Variants in EPC2 observed in about 807,000 individuals in gnomAD.
EPC2 encodes the protein enhancer of polycomb homolog 2.
A neutral mutation model predicts 92.1 loss-of-function variants in EPC2; 14 were observed. The ratio of observed to expected loss-of-function variants is 0.15; its 90% confidence interval spans 0.10 to 0.24. EPC2 has a LOEUF of 0.24. EPC2 is among the 10% of genes least tolerant of loss of function. The pLI is 1.00. For missense variants in EPC2, 755 were observed against 971.5 expected, an observed-to-expected ratio of 0.78 and a Z score of 2.96; for synonymous variants, 340 against 334.7, an observed-to-expected ratio of 1.02 and a Z score of -0.17.
chr2:148,776,350 G>T (rs551870655), intron 10 of EPC2, among the ~76,000 whole-genome samples: 31 of 152,196 alleles, frequency 2.0e-4, no homozygotes, highest in Non-Finnish European at 4.4e-4. Context: ...TAAATATTTG[G>T]CTTGGGTTTC....
At chr2:148,673,574 A>C (rs1681197716) in intron 1 of EPC2, among the ~76,000 whole-genome samples, 1 of 152,074 alleles carries the variant, frequency 6.6e-6, no homozygotes, top group South Asian at 2.1e-4. Context: ...TTTATACATT[A>C]ATCATTTTTC....
chr2:148,689,421 G>C (rs368843631), intron 1 of EPC2, among the ~76,000 whole-genome samples: 2 of 152,004 alleles, frequency 1.3e-5, no homozygotes, highest in African/African-American at 4.8e-5. Context: ...CTTTTGATCC[G>C]CCCATCTTGG....
At chr2:148,654,335 C>A (rs549020233) in intron 1 of EPC2, among the ~76,000 whole-genome samples, 59 of 152,230 alleles carry the variant, frequency 3.9e-4, no homozygotes, top group African/African-American at 1.4e-3. Flanking sequence ...TACAGGATAA[C>A]AAATATGAAG....
At chr2:148,720,820 A>C (rs1269104609) in intron 2 of EPC2, among the ~76,000 whole-genome samples, 1 of 152,110 alleles carries the variant, frequency 6.6e-6, no homozygotes, top group Non-Finnish European at 1.5e-5. Flanking sequence ...TGTTTCCCTG[A>C]TAAGTCTCAA....
chr2:148,751,332 C>T (rs1683079852), intron 3 of EPC2, among the ~76,000 whole-genome samples: 1 of 151,870 alleles, frequency 6.6e-6, no homozygotes, highest in Admixed American at 6.6e-5. Context: ...AGCTAGTAGC[C>T]ATCTAGAAGA....
chr2:148,743,628 A>T lies in EPC2; in HGVS notation c.320A>T (p.Asn107Ile). The change falls in exon 3 of 14, where the codon AAT becomes ATT. Residue 107 changes from asparagine to isoleucine, a missense_variant. Physicochemically the swap from Asn to Ile is moderately radical, Grantham distance 149 (BLOSUM62 -3). This residue lies in a region of EPC2 where 509 missense variants were observed against 607.7 expected (regional missense o/e 0.84). Transcript: ENST00000258484. ...ATTTTTCTTTCTTTTCTAGCTTTTAATCTAGACAACGAGCAACCAGATTAT... is the reference window on the plus strand; with the variant it reads ...ATTTTTCTTTCTTTTCTAGCTTTTATTCTAGACAACGAGCAACCAGATTAT... ...PKQFIHIQPF[N>I]LDNEQPDYDM... 1 of 1,566,100 alleles carries T rather than the reference A, an allele frequency of 6.4e-7. No homozygotes were observed. Among genetic ancestry groups the T allele is most frequent in the African/African-American group, 1.4e-5 (1 of 72,298 alleles).
intron 2 of EPC2, among the ~76,000 whole-genome samples, chr2:148,707,888 G>A (rs1270296920): frequency 6.6e-6 from 1 of 152,200 alleles, no homozygotes; most frequent in Non-Finnish European, 1.5e-5. Context: ...ACCCACAAGA[G>A]AAAGCAGGAA....
In EPC2 at chr2:148,754,148, A is replaced by G. The variant is rs762723583; in HGVS notation, c.666+15A>G. Reference sequence around the variant, plus strand: ...AAACTCGAAAGGTAATGTGCAAATTAGGTTTCATTGAAGGTAGCTTAATAG... The same window carrying G: ...AAACTCGAAAGGTAATGTGCAAATTGGGTTTCATTGAAGGTAGCTTAATAG... On this transcript the variant is annotated intron_variant, in intron 4 of 13. Transcript: ENST00000258484. 4 of 1,567,288 alleles carry G rather than the reference A, an allele frequency of 2.6e-6. No homozygotes were observed. In the African/African-American group the frequency reaches 5.4e-5, roughly 21 times the overall value.
intron 2 of EPC2, among the ~76,000 whole-genome samples, chr2:148,713,518 A>T (rs571087714): frequency 1.7e-3 from 253 of 152,188 alleles, no homozygotes; most frequent in Middle Eastern, 3.4e-3. Context: ...GAGAAAAAAA[A>T]TTTTTTTTAA....
At chr2:148,672,770 A>G (rs1014402459) in intron 1 of EPC2, among the ~76,000 whole-genome samples, 2 of 152,114 alleles carry the variant, frequency 1.3e-5, no homozygotes, top group African/African-American at 4.8e-5. Context: ...ATTTGCCTAT[A>G]TATTTACTTT....
chr2:148,781,554 A>C, intron 10 of EPC2, 90 bp from the exon 11 acceptor site: 1 of 1,199,082 alleles, frequency 8.3e-7, no homozygotes, highest in South Asian at 1.7e-5. Flanking sequence ...CTTTCATCTT[A>C]ATTGTGGAAT....
intron 1 of EPC2, among the ~76,000 whole-genome samples, chr2:148,664,199 G>T (rs1195075065): frequency 1.3e-5 from 2 of 152,092 alleles, no homozygotes; most frequent in Non-Finnish European, 2.9e-5. Flanking sequence ...GGAAGATATT[G>T]TTAAAAATAA....
intron 2 of EPC2, among the ~76,000 whole-genome samples, chr2:148,718,383 C>T (rs1461829951): frequency 6.6e-6 from 1 of 152,128 alleles, no homozygotes; most frequent in East Asian, 1.9e-4. Context: ...AACTGTTTTT[C>T]CTTTCCATAT....
intron 1 of EPC2, among the ~76,000 whole-genome samples, chr2:148,688,161 AAATGTCCAAC>A (rs1239974678): frequency 2.0e-5 from 3 of 152,222 alleles, no homozygotes; most frequent in African/African-American, 7.2e-5. Flanking sequence ...GAACCAACCC[AAATGTCCAAC>A]AATGATAGAC....
At chr2:148,685,901 G>A (rs1246691939) in intron 1 of EPC2, among the ~76,000 whole-genome samples, 2 of 152,156 alleles carry the variant, frequency 1.3e-5, no homozygotes, top group Non-Finnish European at 2.9e-5. Flanking sequence ...GGTTGCTAAC[G>A]GTCATCTGAG....
At chr2:148,704,491 A>T (rs921792839) in intron 2 of EPC2, among the ~76,000 whole-genome samples, 1 of 152,238 alleles carries the variant, frequency 6.6e-6, no homozygotes, top group Non-Finnish European at 1.5e-5. Flanking sequence ...CTGCACACTT[A>T]TAAACAGTTG....
At chr2:148,735,922 A>C (rs1228063753) in intron 2 of EPC2, among the ~76,000 whole-genome samples, 2 of 152,078 alleles carry the variant, frequency 1.3e-5, no homozygotes, top group African/African-American at 4.8e-5. Flanking sequence ...CTGGTTAATC[A>C]GTCTCTTAAG....
At chr2:148,776,805 C>T (rs568682573) in intron 10 of EPC2, among the ~76,000 whole-genome samples, 105 of 149,974 alleles carry the variant, frequency 7.0e-4, no homozygotes, top group South Asian at 1.7e-3. Context: ...TGGCTTGAGG[C>T]CAGGAGGTTG....
chr2:148,689,598 T>C (rs1681603414), intron 1 of EPC2, among the ~76,000 whole-genome samples: 2 of 152,172 alleles, frequency 1.3e-5, no homozygotes, highest in South Asian at 2.1e-4. Flanking sequence ...TGGGCCATTG[T>C]GGGGGAAGGG....
Sources: allele counts gnomAD v4.1 joint callset (sites outside exome capture counted in the v4.1 genomes callset), GRCh38; gene constraint gnomAD v4.1.1; regional missense constraint gnomAD v4.1.1; transcripts MANE v1.5; gene names NCBI Gene and HGNC (gene_info 2026-07-23, HGNC 2026-07-21).